EPS8L1: variants seen among roughly 807,000 people sequenced by gnomAD.
EPS8L1 encodes the protein epidermal growth factor receptor kinase substrate 8-like protein 1.
In EPS8L1, 101 loss-of-function variants were observed where a neutral mutation model predicts 91.7. The ratio of observed to expected loss-of-function variants is 1.10; its 90% CI spans 0.94 to 1.30. The LOEUF (loss-of-function observed/expected upper bound fraction) is 1.30. Among genes scored for constraint, EPS8L1 ranks in the 50% most tolerant of loss-of-function variants. The pLI, the probability that EPS8L1 is intolerant of heterozygous loss-of-function variation, is 0.00. For missense variants in EPS8L1, 1,114 were observed against 1,017.0 expected, an observed-to-expected ratio of 1.10 and a Z score of -1.30; for synonymous variants, 506 against 445.3, an observed-to-expected ratio of 1.14 and a Z score of -1.72.
At position 55,083,343 on chromosome 19, in the gene EPS8L1, G is replaced by T. The variant is rs911426139; in HGVS notation, c.1215-35G>T. The T allele has an allele frequency of 5.6e-6, 9 of 1,598,590 alleles. No individual in the cohort carries two copies. The highest frequency in any genetic ancestry group is 2.7e-5 in the African/African-American group (2 of 74,370). ...GGAACGAAGTTGGGGGCTGTATCAG[G>T]ATCCCTGAGCTCTTGGCCCTGTCCC... On this transcript the variant is annotated intron_variant, in intron 12 of 19. Coordinates refer to ENST00000201647, the MANE Select transcript of EPS8L1 (RefSeq NM_133180.3). This position sits in a 1 kb window ranked among gnomAD's most constrained non-coding sequence, Gnocchi z 4.7.
intron 18 of EPS8L1, 38 bp from the exon 19 acceptor site, chr19:55,087,265 C>A: frequency 6.4e-7 from 1 of 1,561,686 alleles, no homozygotes; most frequent in Non-Finnish European, 8.7e-7. Context: ...GGGGCATCCG[C>A]CGACCGGCCT....
Position 55,082,314 on chromosome 19 carries a change from G to C in EPS8L1, c.1030G>C (p.Glu344Gln). The C allele has an allele frequency of 6.2e-7, 1 of 1,612,646 alleles. No individual in the cohort carries two copies. Among genetic ancestry groups the C allele is most frequent in the Non-Finnish European group, 8.5e-7 (1 of 1,179,842 alleles). Residue 344 changes from glutamate (E) to glutamine (Q), a missense_variant, in exon 11 of 20, where the codon GAG becomes CAG. Physicochemically the swap from Glu to Gln is conservative, Grantham distance 29. Transcript: ENST00000201647. Reference protein sequence around the residue: ...RGNIADPSSPELLHFLFGPLQ... With the variant: ...RGNIADPSSPQLLHFLFGPLQ... ...CAACATCGCCGACCCCTCCTCTCCG[G>C]AGCTGTTGCACTTCCTTTTCGGGCC...
chr19:55,078,194 C>T, intron 3 of EPS8L1, 66 bp downstream of exon 3: 1 of 1,530,452 alleles, frequency 6.5e-7, no homozygotes, highest in Non-Finnish European at 9.0e-7. Flanking sequence ...ACCTGGCATC[C>T]AGGGTCTTGG....
At position 55,086,056 on chromosome 19, in the gene EPS8L1, C is replaced by G. The variant is rs557189897; in HGVS notation, c.1519-5C>G. 1.3e-6 allele frequency: 2 copies of G among 1,594,710 alleles called. No homozygotes were observed. Among genetic ancestry groups the G allele is most frequent in the East Asian group, 2.2e-5 (1 of 44,520 alleles). ...TCTGAACCCTCTGTTCTTTACCACA[C>G]CCAGGTCCTGGATGACAGTCGTAAG... On this transcript the variant is annotated splice_polypyrimidine_tract_variant and splice_region_variant and intron_variant, in intron 15 of 19. Coordinates refer to ENST00000201647, the MANE Select transcript of EPS8L1 (RefSeq NM_133180.3).
Position 55,081,768 on chromosome 19 carries a change from C to G in EPS8L1, c.775-5C>G. 6.2e-7 allele frequency: 1 copy of G among 1,608,348 alleles called. No individual in the cohort carries two copies. Among genetic ancestry groups the G allele is most frequent in the Non-Finnish European group, 8.5e-7 (1 of 1,176,326 alleles). On this transcript the variant is annotated splice_polypyrimidine_tract_variant and splice_region_variant and intron_variant, in intron 8 of 19. Transcript: ENST00000201647. This position sits in a 1 kb window ranked among gnomAD's most constrained non-coding sequence, Gnocchi z 4.9. ...CCCTGAGCGTCCCCCTCCTCTGTCC[C>G]CTAGGACATCCTGAACCACGTGTTC...
In EPS8L1 at chr19:55,080,238, C is replaced by A; in HGVS notation, c.389C>A (p.Ala130Glu). Reference protein sequence around the residue: ...LLLVCQEPERAQPDVHFFQGL... With the variant: ...LLLVCQEPEREQPDVHFFQGL... ...CTCGTGTGCCAGGAACCCGAGCGCG[C>A]GCAGCCCGACGTGCACTTCTTCCAG... is the stretch of plus-strand genomic sequence containing the variant. The change falls in exon 6 of 20, where the codon GCG becomes GAG. Residue 130 changes from alanine (A) to glutamate (E), a missense_variant. Transcript: ENST00000201647. 1 of 1,535,686 alleles carries A rather than the reference C, an allele frequency of 6.5e-7. No individual in the cohort carries two copies. The highest frequency in any genetic ancestry group is 1.4e-5 in the African/African-American group (1 of 72,896).
intron 2 of EPS8L1, 28 bp from the exon 3 acceptor site, chr19:55,078,060 T>A: frequency 6.2e-7 from 1 of 1,612,692 alleles, no homozygotes; most frequent in African/African-American, 1.3e-5. Context: ...AGTCCCACAG[T>A]CTCTCTCATT....
In EPS8L1 at chr19:55,082,110, G is replaced by T; in HGVS notation, c.920G>T (p.Arg307Leu). 6.3e-7 allele frequency: 1 copy of T among 1,598,064 alleles called. No individual in the cohort carries two copies. Among genetic ancestry groups the T allele is most frequent in the Non-Finnish European group, 8.5e-7 (1 of 1,173,018 alleles). Residue 307 changes from arginine (R) to leucine (L), a missense_variant, in exon 10 of 20, where the codon CGG (arginine) becomes CTG (leucine). Transcript: ENST00000201647. ...RAAGEGLLTL[R>L]AKPPSEAEYT... is the part of the protein sequence containing the mutation. The stretch of plus-strand genomic sequence containing the variant: ...CCCTCAGAGGGCTTGCTGACGCTGC[G>T]GGCCAAGCCGCCCTCGGAGGCCGAG...
intron 4 of EPS8L1, 161 bp from the exon 5 acceptor site, chr19:55,079,529 G>C (rs2076207695): frequency 1.2e-6 from 1 of 803,852 alleles, no homozygotes; most frequent in East Asian, 2.7e-5. Context: ...GGGAAACAAA[G>C]GGCACTGGGA....
intron 17 of EPS8L1, 33 bp from the exon 18 acceptor site, chr19:55,086,681 C>A (rs1234749504): frequency 1.1e-4 from 171 of 1,600,942 alleles, no homozygotes; most frequent in Non-Finnish European, 1.4e-4. Flanking sequence ...GCCCTGAGCC[C>A]GCACTCCCTA....
At chr19:55,076,856 TTGTTA>T (rs1403530859) in intron 2 of EPS8L1, among the ~76,000 whole-genome samples, 2 of 152,206 alleles carry the variant, frequency 1.3e-5, no homozygotes, top group Admixed American at 6.5e-5. Context: ...GCTATTGCGA[TTGTTA>T]TGTTGTTAGT....
At position 55,082,106 on chromosome 19, in the gene EPS8L1, C is replaced by G. The variant is rs1027194723; in HGVS notation, c.916C>G (p.Leu306Val). 2.5e-6 allele frequency: 4 copies of G among 1,596,070 alleles called. No individual in the cohort carries two copies. In the African/African-American group the frequency reaches 5.4e-5, roughly 21 times the overall value. ...RRAAGEGLLT[L>V]RAKPPSEAEY... ...GCTCCCCTCAGAGGGCTTGCTGACG[C>G]TGCGGGCCAAGCCGCCCTCGGAGGC... Residue 306 changes from leucine (L) to valine (V), a missense_variant, in exon 10 of 20, where the codon CTG becomes GTG. Coordinates refer to ENST00000201647, the MANE Select transcript of EPS8L1 (RefSeq NM_133180.3).
chr19:55,085,387 G>C lies in EPS8L1; in HGVS notation c.1386-454G>C, dbSNP rs1490151392. 2.6e-5 allele frequency among the ~76,000 whole-genome samples: 4 copies of C among 152,262 alleles called. No homozygotes were observed. The East Asian group carries it at 7.7e-4, about 29-fold the overall frequency. ...TCACCATGTTGGCCAGGATGGTCTT[G>C]ATCTCTTGACCTCATGATCTGCCCG... On this transcript the variant is annotated intron_variant, in intron 14 of 19. Transcript: ENST00000201647.
At position 55,080,453 on chromosome 19, in the gene EPS8L1, G is replaced by A. The variant is rs770984985; in HGVS notation, c.429+175G>A. 5 of 1,612,022 alleles carry A rather than the reference G, an allele frequency of 3.1e-6. No homozygotes were observed. In the South Asian group the frequency reaches 4.4e-5, roughly 14 times the overall value. On this transcript the variant is annotated intron_variant, in intron 6 of 19. Coordinates refer to ENST00000201647, the MANE Select transcript of EPS8L1 (RefSeq NM_133180.3). The stretch of plus-strand genomic sequence containing the variant: ...CTGGAAGGCAGTGGGGTTTGAGATT[G>A]GACCCAGGGTCAAGATAGAACATGA...
rs779699781 is a variant in EPS8L1 at position 55,082,250 on chromosome 19, A to C, written c.991-25A>C. The stretch of plus-strand genomic sequence containing the variant: ...CCTGTCCCGTCCCCGCACCCACGCC[A>C]ACCACCTCCCTCCCCACGCCCCAGG... On this transcript the variant is annotated intron_variant, in intron 10 of 19. Coordinates refer to ENST00000201647, the MANE Select transcript of EPS8L1 (RefSeq NM_133180.3). 8 of 1,605,892 alleles carry C rather than the reference A, an allele frequency of 5.0e-6. No homozygotes were observed. The African/African-American group carries it at 1.1e-4, about 22-fold the overall frequency.
intron 18 of EPS8L1, 65 bp downstream of exon 18, chr19:55,086,953 C>T (rs1417758008): frequency 5.7e-6 from 8 of 1,398,162 alleles, no homozygotes; most frequent in Admixed American, 3.5e-5. Flanking sequence ...GCGTTCCGAT[C>T]GGCCGGGAGT....
Position 55,081,957 on chromosome 19 carries a change from CG to C in EPS8L1, c.901+59del. 4.5e-6 allele frequency: 7 copies of C among 1,572,474 alleles called. No homozygotes were observed. The highest frequency in any genetic ancestry group is 1.4e-5 in the African/African-American group (1 of 74,000). On this transcript the variant is annotated intron_variant, in intron 9 of 19. Transcript: ENST00000201647. This position sits in a 1 kb window ranked among gnomAD's most constrained non-coding sequence, Gnocchi z 4.9. The stretch of plus-strand genomic sequence containing the variant: ...CCTCCCGATCTCTTCCAAATGTCCC[CG>C]CTCTCCCCAGGCTCTCCCCTCCCGC...
At chr19:55,087,472 T>A (rs919921795) in intron 19 of EPS8L1, 37 bp downstream of exon 19, 1 of 1,613,478 alleles carries the variant, frequency 6.2e-7, no homozygotes, top group Non-Finnish European at 8.5e-7. Flanking sequence ...CTGGGTAGGG[T>A]TGGGATGACG....
intron 12 of EPS8L1, 95 bp downstream of exon 12, chr19:55,082,697 G>T (rs1411747600): frequency 1.6e-6 from 2 of 1,220,100 alleles, no homozygotes; most frequent in African/African-American, 3.0e-5. Flanking sequence ...ATAGGACTAG[G>T]AGAGTAGGGA....
Sources: gnomAD v4.1 joint callset for allele counts (sites outside exome capture counted in the v4.1 genomes callset) on GRCh38, gnomAD v4.1.1 for gene constraint, Gnocchi (gnomAD v3.1) non-coding constraint, MANE v1.5 for transcripts, NCBI Gene and HGNC (gene_info 2026-07-23, HGNC 2026-07-21) for gene names.